Variants in OSR1 observed in about 807,000 individuals in gnomAD.
OSR1 encodes odd-skipped related transcription factor 1, also known as protein odd-skipped-related 1.
A neutral mutation model predicts 15.7 loss-of-function variants in OSR1; 3 were observed. That is an observed-to-expected ratio of 0.19 (90% CI 0.09 to 0.50). OSR1 has a LOEUF of 0.50. Ranked by LOEUF, OSR1 falls within the 20% of genes least tolerant of loss-of-function variation. OSR1 has a pLI of 0.97. For missense variants in OSR1, 271 were observed against 351.1 expected, an observed-to-expected ratio of 0.77 and a Z score of 1.82; for synonymous variants, 166 against 152.7, an observed-to-expected ratio of 1.09 and a Z score of -0.64.
At chr2:19,351,247 A>T (rs1664832902), downstream of OSR1, among the ~76,000 whole-genome samples, 4 of 152,100 alleles carry the variant, frequency 2.6e-5, no homozygotes, top group Admixed American at 1.3e-4. Context: ...GAGGAGTGGG[A>T]AGGCTGAGAC....
rs951950026 is a variant in OSR1 at position 19,354,017 on chromosome 2, G to A, written c.-32-180C>T. ...CACAAAGAGGGTGGGAATGTAAGACGCAGGGGAGCCCTCTTTTCAGAACCC... is the reference window on the plus strand; with the variant it reads ...CACAAAGAGGGTGGGAATGTAAGACACAGGGGAGCCCTCTTTTCAGAACCC... On this transcript the variant is annotated intron_variant, in intron 1 of 2. Coordinates refer to ENST00000272223, the MANE Select transcript of OSR1 (RefSeq NM_145260.3). 1.0e-5 allele frequency: 6 copies of A among 590,498 alleles called. No homozygotes were observed. The East Asian group carries it at 1.4e-4, about 14-fold the overall frequency. 36.6% of individuals were successfully genotyped at this position (590,498 alleles called of 1,614,324 possible).
Position 19,351,515 on chromosome 2 carries a change from TA to T in OSR1, c.*759del, listed in dbSNP as rs35504248. Reference sequence around the variant, plus strand: ...GTAAAATAACCGTTTATTTAATAGTTAAAAAAAAAAAAAACTCCAGTGATAA... The same window carrying T: ...GTAAAATAACCGTTTATTTAATAGTTAAAAAAAAAAAAACTCCAGTGATAA... On this transcript the variant is annotated 3_prime_UTR_variant, in exon 3 of 3. Coordinates refer to ENST00000272223, the MANE Select transcript of OSR1 (RefSeq NM_145260.3). 65,357 of 146,886 alleles carry T rather than the reference TA, an allele frequency of 0.44. 14,513 individuals carry two copies. Among genetic ancestry groups the T allele is most frequent in the East Asian group, 0.71 (3,559 of 5,018 alleles). The allele number at this position is 146,886 out of a possible 1,614,324, so 9.1% of individuals were successfully genotyped here. A position where few individuals can be genotyped will look rare whatever the true frequency, so the allele number is the denominator to read the frequency against.
downstream of OSR1, among the ~76,000 whole-genome samples, chr2:19,350,656 TG>T (rs1664820359): frequency 6.6e-6 from 1 of 152,032 alleles, no homozygotes; most frequent in Non-Finnish European, 1.5e-5. Context: ...GCGCTGGAGC[TG>T]GGGGGAGCCC....
downstream of OSR1, among the ~76,000 whole-genome samples, chr2:19,349,844 A>G (rs188188118): frequency 5.3e-5 from 8 of 152,324 alleles, no homozygotes; most frequent in Non-Finnish European, 1.0e-4. Flanking sequence ...TGGAGCAACC[A>G]TGGCCCGCAG....
rs1664843997 is a variant in OSR1 at position 19,351,760 on chromosome 2, C to G, written c.*515G>C. ...GCCCCGCGGTCCCTAGGGCAGGAGG[C>G]TGAAGCAGATACAGGGATTACACTT... On this transcript the variant is annotated 3_prime_UTR_variant, in exon 3 of 3. Coordinates refer to ENST00000272223, the MANE Select transcript of OSR1 (RefSeq NM_145260.3). 1.3e-5 allele frequency: 2 copies of G among 152,360 alleles called. No homozygotes were observed. Among genetic ancestry groups the G allele is most frequent in the Non-Finnish European group, 1.5e-5 (1 of 68,114 alleles). The allele number at this position is 152,360 out of a possible 1,614,324, so 9.4% of individuals were successfully genotyped here.
rs45482995 is a variant in OSR1 at position 19,358,417 on chromosome 2, T to C, written c.-109A>G. 0.016 allele frequency: 2,491 copies of C among 152,492 alleles called. 26 individuals carry two copies. The highest frequency in any genetic ancestry group is 0.022 in the South Asian group (106 of 4,828). The allele number at this position is 152,492 out of a possible 1,614,324, so 9.4% of individuals were successfully genotyped here. A position where few individuals can be genotyped will look rare whatever the true frequency, so the allele number is the denominator to read the frequency against. On this transcript the variant is annotated 5_prime_UTR_variant, in exon 1 of 3. Coordinates refer to ENST00000272223, the MANE Select transcript of OSR1 (RefSeq NM_145260.3). ...AGGGGACTGGGGAAGCCGGAGGCCC[T>C]GGAGCCCACAGGCGCCCCTGGAGCT...
At position 19,353,614 on chromosome 2, in the gene OSR1, C is replaced by T; in HGVS notation, c.192G>A (p.Leu64=). The stretch of plus-strand genomic sequence containing the variant: ...GCACTTTGGAGAAAGAAGAGCGCGG[C>T]AAGTGCATGGCCGGGTAGCCCAGCG... ...QWTLGYPAMH[L]PRSSFSKVPG... The change falls in exon 2 of 3, where the codon TTG becomes TTA. Residue 64 remains leucine (L), a synonymous_variant. Transcript: ENST00000272223. The T allele has an allele frequency of 6.2e-7, 1 of 1,614,254 alleles. No individual in the cohort carries two copies. Among genetic ancestry groups the T allele is most frequent in the Non-Finnish European group, 8.5e-7 (1 of 1,180,040 alleles).
At chr2:19,347,085 A>G, downstream of OSR1, among the ~76,000 whole-genome samples, 1 of 152,240 alleles carries the variant, frequency 6.6e-6, no homozygotes, top group East Asian at 1.9e-4. Context: ...CCACCAGTTC[A>G]GTGATATTCT....
intron 1 of OSR1, chr2:19,356,843 G>A (rs1006848609): frequency 1.3e-5 from 2 of 152,284 alleles, no homozygotes; most frequent in East Asian, 1.9e-4. Context: ...CCTATGCTGG[G>A]CATTAATGAA....
intron 1 of OSR1, 30 bp from the exon 2 acceptor site, chr2:19,353,867 G>A (rs1168153684): frequency 1.3e-6 from 2 of 1,513,184 alleles, no homozygotes; most frequent in South Asian, 1.3e-5. Context: ...GCAGGGGCGT[G>A]GAGAGGAATA....
chr2:19,352,449 T>A (rs1395171556), intron 2 of OSR1, 39 bp from the exon 3 acceptor site: 22 of 1,611,366 alleles, frequency 1.4e-5, no homozygotes, highest in Non-Finnish European at 1.9e-5. Flanking sequence ...TGCAAAATGA[T>A]GCAATGTTAT....
downstream of OSR1, chr2:19,346,719 G>A (rs778349695): frequency 1.3e-5 from 2 of 152,292 alleles, no homozygotes; most frequent in Non-Finnish European, 1.5e-5. Flanking sequence ...AATGAGTCCT[G>A]ATCGCACCGC....
chr2:19,353,922 C>G, intron 1 of OSR1, 85 bp from the exon 2 acceptor site: 1 of 1,123,812 alleles, frequency 8.9e-7, no homozygotes, highest in Non-Finnish European at 1.3e-6. Context: ...TCCAGCCGAG[C>G]CACACCCTCT....
chr2:19,345,190 A>T, the OSR1 span, among the ~76,000 whole-genome samples: 1 of 152,222 alleles, frequency 6.6e-6, no homozygotes, highest in Non-Finnish European at 1.5e-5. Flanking sequence ...GACATTAAAG[A>T]TTCTGGATAT....
Position 19,353,565 on chromosome 2 carries a change from CCACCAAGCTGGA to C in OSR1, c.229_240del (p.Ser77_Val80del). Reference sequence around the variant, plus strand: ...AAGGCGGGCAGCTGGAAGCGCGCATCCACCAAGCTGGACACCGTGCCCGGCACTTTGGAGAAA... The same window carrying C: ...AAGGCGGGCAGCTGGAAGCGCGCATCCACCGTGCCCGGCACTTTGGAGAAA... On this transcript the variant is annotated inframe_deletion, in exon 2 of 3. Coordinates refer to ENST00000272223, the MANE Select transcript of OSR1 (RefSeq NM_145260.3). 1 of 1,614,206 alleles carries C rather than the reference CCACCAAGCTGGA, an allele frequency of 6.2e-7. No individual in the cohort carries two copies. Among genetic ancestry groups the C allele is most frequent in the Non-Finnish European group, 8.5e-7 (1 of 1,180,036 alleles).
chr2:19,350,098 T>C (rs1041150101), downstream of OSR1, among the ~76,000 whole-genome samples: 2 of 152,142 alleles, frequency 1.3e-5, no homozygotes, highest in Admixed American at 1.3e-4. Context: ...ATTGGGATAG[T>C]GCCCAACTAA....
chr2:19,347,567 GA>G (rs1285623197), downstream of OSR1, among the ~76,000 whole-genome samples: 1 of 152,196 alleles, frequency 6.6e-6, no homozygotes, highest in African/African-American at 2.4e-5. Context: ...TTTTTCATCT[GA>G]AACATATGCC....
chr2:19,350,284 C>CA (rs1664810490), downstream of OSR1, among the ~76,000 whole-genome samples: 1 of 152,138 alleles, frequency 6.6e-6, no homozygotes, highest in Non-Finnish European at 1.5e-5. Context: ...GGCTGGCCAG[C>CA]AGGGGGCAGC....
chr2:19,346,068 T>C, the OSR1 span, among the ~76,000 whole-genome samples: 1 of 152,212 alleles, frequency 6.6e-6, no homozygotes. Flanking sequence ...TACCCACTCC[T>C]GCAAATGATA....
Sources: allele counts gnomAD v4.1 joint callset (sites outside exome capture counted in the v4.1 genomes callset), GRCh38; gene constraint gnomAD v4.1.1; transcripts MANE v1.5; gene names NCBI Gene and HGNC (gene_info 2026-07-23, HGNC 2026-07-21).